The following LRRC7 variants were observed in gnomAD, a reference collection of about 807,000 sequenced individuals.
LRRC7 encodes leucine-rich repeat-containing protein 7.
LRRC7 carries 23 observed loss-of-function variants against 175.7 expected under a neutral mutation model. The observed-to-expected ratio is 0.13, with a 90% CI of 0.09 to 0.19. The LOEUF (loss-of-function observed/expected upper bound fraction) is 0.19. LRRC7 is among the 10% of genes least tolerant of loss of function. The pLI is 1.00. For missense variants in LRRC7, 1,354 were observed against 1,904.7 expected (o/e 0.71, Z 5.38); for synonymous variants, 685 against 680.9 (o/e 1.01, Z -0.09).
intron 4 of LRRC7, among the ~76,000 whole-genome samples, chr1:69,797,999 G>A (rs1257276006): frequency 6.6e-6 from 1 of 152,064 alleles, no homozygotes; most frequent in Admixed American, 6.6e-5. Flanking sequence ...TTGGCTCACT[G>A]CAACCTCTGC....
At chr1:69,912,839 C>G (rs1003797944) in intron 7 of LRRC7, among the ~76,000 whole-genome samples, 4 of 152,116 alleles carry the variant, frequency 2.6e-5, no homozygotes, top group African/African-American at 7.2e-5. Flanking sequence ...TAGCCAGTTG[C>G]TGTTATTAAG....
intron 7 of LRRC7, among the ~76,000 whole-genome samples, chr1:69,885,541 G>A (rs1397944165): frequency 2.9e-3 from 363 of 126,676 alleles, no homozygotes; most frequent in African/African-American, 5.8e-3. Flanking sequence ...CAGTCTATCA[G>A]TTTTGTTGAT....
intron 2 of LRRC7, among the ~76,000 whole-genome samples, chr1:69,756,505 A>C (rs1670445900): frequency 1.3e-5 from 2 of 151,980 alleles, no homozygotes; most frequent in South Asian, 4.1e-4. Flanking sequence ...ATAAAATTTT[A>C]AAACTTTCCG....
rs1011118516 is a variant in LRRC7, at chr1:69,568,279, A to ACCGCCGCCG, written c.-350_-342dup. ...GCGGGGAGGGAGCTGCGCCTCCGCC[A>ACCGCCGCCG]CCGCCGCCGCCGCCGCCGCTGCTGC... On this transcript the variant is annotated 5_prime_UTR_variant, in exon 1 of 27. Coordinates refer to ENST00000651989, the MANE Select transcript of LRRC7 (RefSeq NM_001370785.2). 6.3e-5 allele frequency: 13 copies of ACCGCCGCCG among 206,238 alleles called. No homozygotes were observed. Among genetic ancestry groups the ACCGCCGCCG allele is most frequent in the East Asian group, 1.7e-4 (1 of 5,748 alleles). The allele number at this position is 206,238 out of a possible 1,614,324, so 12.8% of individuals were successfully genotyped here.
chr1:69,980,658 G>T (rs1026400925), intron 9 of LRRC7, among the ~76,000 whole-genome samples: 2 of 151,470 alleles, frequency 1.3e-5, no homozygotes, highest in Non-Finnish European at 2.9e-5. Flanking sequence ...TATACAAAAC[G>T]TAAGAAAGAT....
chr1:70,076,213 C>T lies in LRRC7; in HGVS notation c.4367C>T (p.Ser1456Phe). Residue 1456 changes from serine (S) to phenylalanine (F), a missense_variant, in exon 24 of 27, where the codon TCT becomes TTT. Physicochemically the swap from Ser to Phe is radical, Grantham distance 155. Coordinates refer to ENST00000651989, the MANE Select transcript of LRRC7 (RefSeq NM_001370785.2). ...FQSPLPIQIP[S>F]SQATRGPQPG... ...TCACCATTGCCTATTCAGATCCCCT[C>T]TTCACAGGCCACCCGGGGACCTCAG... is the stretch of plus-strand genomic sequence containing the variant. The T allele has an allele frequency of 6.2e-7, 1 of 1,614,100 alleles. No homozygotes were observed. Among genetic ancestry groups the T allele is most frequent in the Non-Finnish European group, 8.5e-7 (1 of 1,179,978 alleles).
chr1:69,984,325 T>C (rs1653728811), intron 9 of LRRC7, among the ~76,000 whole-genome samples: 2 of 152,146 alleles, frequency 1.3e-5, no homozygotes, highest in South Asian at 4.1e-4. Context: ...TCAAATAATA[T>C]ATATAAAGTA....
At position 70,127,508 on chromosome 1, in the gene LRRC7, T is replaced by C. The variant is rs115696476; in HGVS notation, c.*5621T>C. 7.8e-3 allele frequency among the ~76,000 whole-genome samples: 1,193 copies of C among 152,282 alleles called. 13 individuals carry two copies. Among genetic ancestry groups the C allele is most frequent in the African/African-American group, 0.027 (1,122 of 41,558 alleles). ...TCCCTAAGAACAGTTCTATGGGAAG[T>C]AAGGAGAAAAGACCTGAGAGAGGAG... On this transcript the variant is annotated 3_prime_UTR_variant, in exon 27 of 27. Transcript: ENST00000651989.
chr1:69,730,171 G>C (rs1667413995), intron 2 of LRRC7, among the ~76,000 whole-genome samples: 1 of 152,190 alleles, frequency 6.6e-6, no homozygotes, highest in South Asian at 2.1e-4. Flanking sequence ...CTTCAGGCCT[G>C]TGATGAGAGG....
At chr1:69,852,875 A>G (rs1490343341) in intron 7 of LRRC7, among the ~76,000 whole-genome samples, 8 of 152,322 alleles carry the variant, frequency 5.3e-5, no homozygotes, top group Non-Finnish European at 1.2e-4. Flanking sequence ...GTTACAGTGT[A>G]TTGTAAGGCA....
chr1:70,056,815 G>T (rs531384224), intron 23 of LRRC7, among the ~76,000 whole-genome samples: 1 of 152,256 alleles, frequency 6.6e-6, no homozygotes, highest in East Asian at 1.9e-4. Context: ...CAAGAAACAT[G>T]TAAAGGAAAA....
intron 24 of LRRC7, among the ~76,000 whole-genome samples, chr1:70,079,556 A>G (rs1359405043): frequency 6.6e-6 from 1 of 152,246 alleles, no homozygotes; most frequent in East Asian, 1.9e-4. Context: ...TTGAAATACT[A>G]CAGGTAAAAC....
chr1:69,744,036 G>A (rs1669000549), intron 2 of LRRC7, among the ~76,000 whole-genome samples: 1 of 150,968 alleles, frequency 6.6e-6, no homozygotes, highest in South Asian at 2.1e-4. Context: ...TTACCAAACA[G>A]CCCATCAATA....
intron 23 of LRRC7, among the ~76,000 whole-genome samples, chr1:70,064,161 C>T (rs538075251): frequency 7.5e-4 from 114 of 152,084 alleles, no homozygotes; most frequent in Non-Finnish European, 1.3e-3. Flanking sequence ...CTTCCTGCCC[C>T]CTTTATTTTT....
At chr1:70,055,379 A>G (rs1661067503) in intron 23 of LRRC7, among the ~76,000 whole-genome samples, 1 of 152,202 alleles carries the variant, frequency 6.6e-6, no homozygotes, top group African/African-American at 2.4e-5. Context: ...ACAGCTTTTC[A>G]GAGAATGAAT....
At chr1:69,834,364 G>A (rs2101324631) in intron 5 of LRRC7, among the ~76,000 whole-genome samples, 1 of 152,228 alleles carries the variant, frequency 6.6e-6, no homozygotes, top group Non-Finnish European at 1.5e-5. Context: ...ATGATTAAGT[G>A]AAATAGTAAC....
chr1:69,982,000 G>A (rs1272738499), intron 9 of LRRC7, among the ~76,000 whole-genome samples: 1 of 152,154 alleles, frequency 6.6e-6, no homozygotes, highest in African/African-American at 2.4e-5. Flanking sequence ...TCAAACCAGC[G>A]CCAGAGGCTG....
In LRRC7 at chr1:69,835,540, T is replaced by G. The variant is rs186355925; in HGVS notation, c.590+671T>G. On this transcript the variant is annotated intron_variant, in intron 6 of 26. Coordinates refer to ENST00000651989, the MANE Select transcript of LRRC7 (RefSeq NM_001370785.2). ...ATGTTCCAACATATTGCAAAAAAAT[T>G]TTTTAGAGTATAAGAACAGAGATGA... Among the ~76,000 whole-genome samples, 49 of 151,964 alleles carry G rather than the reference T, an allele frequency of 3.2e-4. No individual in the cohort carries two copies. In the East Asian group the frequency reaches 9.5e-3, roughly 29 times the overall value.
At position 69,568,533 on chromosome 1, in the gene LRRC7, A is replaced by G. The variant is rs1646414605; in HGVS notation, c.-107A>G. On this transcript the variant is annotated 5_prime_UTR_variant, in exon 1 of 27. Transcript: ENST00000651989. ...CCTTCCCTCCTCTTCTCCTCCGAAG[A>G]CCCTGGCGCCCACTCCACTGCGGAC... 1 of 1,085,634 alleles carries G rather than the reference A, an allele frequency of 9.2e-7. No homozygotes were observed. Among genetic ancestry groups the G allele is most frequent in the Non-Finnish European group, 1.3e-6 (1 of 799,874 alleles). The allele number at this position is 1,085,634 out of a possible 1,614,324, so 67.3% of individuals were successfully genotyped here. A position where few individuals can be genotyped will look rare whatever the true frequency, so the allele number is the denominator to read the frequency against.
Sources: allele counts gnomAD v4.1 joint callset (sites outside exome capture counted in the v4.1 genomes callset), GRCh38; gene constraint gnomAD v4.1.1; transcripts MANE v1.5; gene names NCBI Gene and HGNC (gene_info 2026-07-23, HGNC 2026-07-21).